The following CDC42SE2 variants were observed in gnomAD, a reference collection of about 807,000 sequenced individuals.
The protein encoded by CDC42SE2 is CDC42 small effector 2.
A neutral mutation model predicts 11.5 loss-of-function variants in CDC42SE2; 3 were observed. That is an observed-to-expected ratio of 0.26 (90% CI 0.12 to 0.67). The LOEUF (loss-of-function observed/expected upper bound fraction) is 0.67. Ranked by LOEUF, CDC42SE2 falls within the 30% of genes least tolerant of loss-of-function variation. CDC42SE2 has a pLI of 0.80. For missense variants in CDC42SE2, 82 were observed against 106.8 expected (o/e 0.77, Z 1.02); for synonymous variants, 33 against 34.8 (o/e 0.95, Z 0.18).
chr5:131,266,454 T>C (rs1231424993), intron 1 of CDC42SE2, among the ~76,000 whole-genome samples: 10 of 151,184 alleles, frequency 6.6e-5, no homozygotes, highest in African/African-American at 2.2e-4. Context: ...ATTAGCTTTT[T>C]TTTTTCTTTT....
intron 1 of CDC42SE2, among the ~76,000 whole-genome samples, chr5:131,302,513 A>G (rs1236575763): frequency 2.0e-5 from 3 of 151,672 alleles, no homozygotes; most frequent in African/African-American, 7.3e-5. Context: ...CGGGGGTTTC[A>G]CCATGTTGGC....
chr5:131,227,018 A>G, the CDC42SE2 span, among the ~76,000 whole-genome samples: 32 of 152,330 alleles, frequency 2.1e-4, no homozygotes, highest in South Asian at 3.5e-3. Context: ...CATAAATATA[A>G]AATAAAGAAG....
intron 2 of CDC42SE2, among the ~76,000 whole-genome samples, chr5:131,330,101 A>T (rs1470561877): frequency 6.6e-6 from 1 of 152,082 alleles, no homozygotes. Flanking sequence ...ATAGGTGGGC[A>T]GGACTGGAGG....
the CDC42SE2 span, among the ~76,000 whole-genome samples, chr5:131,215,145 C>T: frequency 1.3e-5 from 2 of 152,084 alleles, no homozygotes; most frequent in East Asian, 1.9e-4. Flanking sequence ...TAGCATCACC[C>T]GGAGAAAAGT....
intron 2 of CDC42SE2, among the ~76,000 whole-genome samples, chr5:131,337,400 A>T (rs1410607741): frequency 6.6e-6 from 1 of 152,226 alleles, no homozygotes; most frequent in Non-Finnish European, 1.5e-5. Flanking sequence ...CCTCCCAGTT[A>T]GGCTGCTCGT....
chr5:131,288,193 C>T (rs1258200693), intron 1 of CDC42SE2, among the ~76,000 whole-genome samples: 1 of 151,328 alleles, frequency 6.6e-6, no homozygotes, highest in Non-Finnish European at 1.5e-5. Context: ...CACTACACTC[C>T]AGCCTGGGTG....
Position 131,387,204 on chromosome 5 carries a change from ATT to A in CDC42SE2, c.156+1562_156+1563del, listed in dbSNP as rs1750512477. 1.3e-5 allele frequency among the ~76,000 whole-genome samples: 2 copies of A among 152,144 alleles called. 1 individual carries two copies. The highest frequency in any genetic ancestry group is 2.9e-5 in the Non-Finnish European group (2 of 68,028). On this transcript the variant is annotated intron_variant, in intron 4 of 4. Transcript: ENST00000505065. ...AATTTGTTATATATGATGAATTTTAATTTCTCTCTCATCAACAGATGTTGTCT... is the reference window on the plus strand; with the variant it reads ...AATTTGTTATATATGATGAATTTTAATCTCTCTCATCAACAGATGTTGTCT...
At chr5:131,277,733 T>C (rs1166562371) in intron 1 of CDC42SE2, among the ~76,000 whole-genome samples, 1 of 152,204 alleles carries the variant, frequency 6.6e-6, no homozygotes, top group Non-Finnish European at 1.5e-5. Flanking sequence ...GCCCTTTACC[T>C]TTCCAATCTC....
chr5:131,285,140 G>A (rs1757314568), intron 1 of CDC42SE2, among the ~76,000 whole-genome samples: 1 of 151,326 alleles, frequency 6.6e-6, no homozygotes, highest in Admixed American at 6.6e-5. Flanking sequence ...AAAAAAAATT[G>A]CCTGGTGAGG....
chr5:131,213,916 A>G, the CDC42SE2 span, among the ~76,000 whole-genome samples: 1 of 152,086 alleles, frequency 6.6e-6, no homozygotes, highest in African/African-American at 2.4e-5. Flanking sequence ...ATTTCGACTG[A>G]ATGCAATCTC....
intron 2 of CDC42SE2, among the ~76,000 whole-genome samples, chr5:131,331,969 TA>T (rs1357836954): frequency 6.6e-6 from 1 of 152,226 alleles, no homozygotes; most frequent in Admixed American, 6.5e-5. Flanking sequence ...TTTATTTATT[TA>T]TTTTTTATTG....
At chr5:131,274,266 C>T (rs1046723243) in intron 1 of CDC42SE2, among the ~76,000 whole-genome samples, 2 of 152,212 alleles carry the variant, frequency 1.3e-5, no homozygotes, top group East Asian at 3.9e-4. Context: ...TCCCCATTCC[C>T]GTCTTCCTCA....
rs753402237 is a variant in CDC42SE2, at chr5:131,350,607, T to TTGTGTGTG, written c.-285-8578_-285-8571dup. 2.6e-4 allele frequency among the ~76,000 whole-genome samples: 37 copies of TTGTGTGTG among 141,794 alleles called. 1 individual carries two copies. Among genetic ancestry groups the TTGTGTGTG allele is most frequent in the Middle Eastern group, 3.5e-3 (1 of 284 alleles). The allele number at this position is 141,794 out of a possible 152,430, so 93.0% of individuals were successfully genotyped here. ...TAAAAGTGATACAACAAAATTTATT[T>TTGTGTGTG]TGTGTGTGTGTGTGTGTGTGTGTGT... On this transcript the variant is annotated intron_variant, in intron 2 of 4. Transcript: ENST00000505065.
chr5:131,339,493 A>G (rs1483705002), intron 2 of CDC42SE2, among the ~76,000 whole-genome samples: 1 of 152,008 alleles, frequency 6.6e-6, no homozygotes, highest in Non-Finnish European at 1.5e-5. Context: ...AAAAGAGCCA[A>G]ATAGAACTTA....
chr5:131,347,746 C>G (rs1037487683), intron 2 of CDC42SE2, among the ~76,000 whole-genome samples: 1 of 152,108 alleles, frequency 6.6e-6, no homozygotes, highest in Non-Finnish European at 1.5e-5. Flanking sequence ...TGCAAAAATC[C>G]TCAATAAAAT....
chr5:131,308,020 C>T (rs1757816305), intron 1 of CDC42SE2, among the ~76,000 whole-genome samples: 1 of 152,098 alleles, frequency 6.6e-6, no homozygotes, highest in Non-Finnish European at 1.5e-5. Flanking sequence ...TGTAGGTTGC[C>T]TGTTCACTCT....
upstream of CDC42SE2, chr5:131,245,422 A>G (rs186465347): frequency 6.6e-6 from 1 of 152,274 alleles, no homozygotes; most frequent in Non-Finnish European, 1.5e-5. Context: ...CCAAGATTGT[A>G]CATTGAAACA....
chr5:131,227,963 A>G, the CDC42SE2 span, among the ~76,000 whole-genome samples: 1 of 152,320 alleles, frequency 6.6e-6, no homozygotes, highest in East Asian at 1.9e-4. Flanking sequence ...CAAGGCAGGC[A>G]GATCACTTGA....
At chr5:131,352,057 A>G (rs906577600) in intron 2 of CDC42SE2, among the ~76,000 whole-genome samples, 17 of 152,208 alleles carry the variant, frequency 1.1e-4, no homozygotes, top group African/African-American at 4.1e-4. Context: ...ATCACCAGTT[A>G]TCAGAAAAGT....
Sources: gnomAD v4.1 joint callset for allele counts (sites outside exome capture counted in the v4.1 genomes callset) on GRCh38, gnomAD v4.1.1 for gene constraint, MANE v1.5 for transcripts, NCBI Gene and HGNC (gene_info 2026-07-23, HGNC 2026-07-21) for gene names.